Variants in DERA observed in about 807,000 individuals in gnomAD.
DERA encodes the protein deoxyribose-phosphate aldolase.
DERA carries 15 observed loss-of-function variants against 41.1 expected under a neutral mutation model. That is an observed-to-expected ratio of 0.37 (90% CI 0.24 to 0.56). The LOEUF (loss-of-function observed/expected upper bound fraction) is 0.56, where lower values mean the gene tolerates loss of function less well. DERA is among the 20% of genes least tolerant of loss of function. The probability of loss-of-function intolerance (pLI) is 0.81; values close to 1 mark genes in which losing one functional copy is unlikely to be tolerated. For synonymous variants in DERA, 139 were observed against 137.4 expected (o/e 1.01, Z -0.08); for missense variants, 396 against 403.4 (o/e 0.98, Z 0.16).
rs1948823536 is a variant in DERA at position 15,994,496 on chromosome 12, C to G, written c.637+12060C>G. 1.3e-5 allele frequency among the ~76,000 whole-genome samples: 2 copies of G among 152,202 alleles called. No individual in the cohort carries two copies. The highest frequency in any genetic ancestry group is 4.1e-4 in the South Asian group (2 of 4,834). ...TGAGACGGAGTCTCGTTCTGTCGCC[C>G]AGGCTGGAGTGCAGTGGCGCGATCT... On this transcript the variant is annotated intron_variant, in intron 6 of 8. Transcript: ENST00000428559. The surrounding 1 kb of genome is among the most constrained non-coding windows in gnomAD (Gnocchi z 4.8).
chr12:15,980,888 G>A (rs1948728232), intron 5 of DERA, among the ~76,000 whole-genome samples: 1 of 152,080 alleles, frequency 6.6e-6, no homozygotes, highest in Non-Finnish European at 1.5e-5. Flanking sequence ...GCTTTATTTG[G>A]CTGTTATAAC....
At chr12:15,933,185 G>A (rs1034789331) in intron 1 of DERA, among the ~76,000 whole-genome samples, 52 of 152,112 alleles carry the variant, frequency 3.4e-4, no homozygotes, top group African/African-American at 1.2e-3. Context: ...ATATATACCC[G>A]GTAGTGGGAT....
rs181380410 is a variant in DERA, at chr12:15,958,344, G to C, written c.277+9G>C. 2.6e-5 allele frequency: 41 copies of C among 1,594,262 alleles called. No homozygotes were observed. The Admixed American group carries it at 6.0e-4, about 23-fold the overall frequency. On this transcript the variant is annotated intron_variant, in intron 3 of 8. Coordinates refer to ENST00000428559, the MANE Select transcript of DERA (RefSeq NM_015954.4). ...AAATATGCATGATAAAGGTAATGTT[G>C]TTGTGTGTGATCTATGTGGTGTTTA...
rs927706357 is a variant in DERA at position 16,011,918 on chromosome 12, C to T, written c.638-20624C>T. ...TGCCATGAGTCTCATTTTTTTTCTT[C>T]TCAGCAATGCCACTGGCTCTCTAAA... is the stretch of plus-strand genomic sequence containing the variant. On this transcript the variant is annotated intron_variant, in intron 6 of 8. Transcript: ENST00000428559. The surrounding 1 kb of genome is among the most constrained non-coding windows in gnomAD (Gnocchi z 4.7). Among the ~76,000 whole-genome samples the T allele has an allele frequency of 1.1e-4, 17 of 151,882 alleles. No individual in the cohort carries two copies. Among genetic ancestry groups the T allele is most frequent in the African/African-American group, 3.6e-4 (15 of 41,418 alleles).
chr12:16,025,157 C>CA (rs1002099388), intron 6 of DERA, among the ~76,000 whole-genome samples: 2 of 151,576 alleles, frequency 1.3e-5, no homozygotes, highest in Non-Finnish European at 2.9e-5. Flanking sequence ...CAAAATTAAC[C>CA]AAAAAAATGC....
In DERA at chr12:15,994,485, G is replaced by A. The variant is rs959956592; in HGVS notation, c.637+12049G>A. Among the ~76,000 whole-genome samples the A allele has an allele frequency of 1.2e-4, 19 of 152,138 alleles. No individual in the cohort carries two copies. The highest frequency in any genetic ancestry group is 2.1e-4 in the South Asian group (1 of 4,834). On this transcript the variant is annotated intron_variant, in intron 6 of 8. Coordinates refer to ENST00000428559, the MANE Select transcript of DERA (RefSeq NM_015954.4). The surrounding 1 kb of genome is among the most constrained non-coding windows in gnomAD (Gnocchi z 4.8). ...ATTCTTTTTTTTGAGACGGAGTCTCGTTCTGTCGCCCAGGCTGGAGTGCAG... is the reference window on the plus strand; with the variant it reads ...ATTCTTTTTTTTGAGACGGAGTCTCATTCTGTCGCCCAGGCTGGAGTGCAG...
rs115848363 is a variant in DERA at position 15,936,860 on chromosome 12, C to G, written c.32-20076C>G. 4.4e-4 allele frequency among the ~76,000 whole-genome samples: 57 copies of G among 129,620 alleles called. No individual in the cohort carries two copies. The highest frequency in any genetic ancestry group is 3.8e-3 in the Middle Eastern group (1 of 266). The allele number at this position is 129,620 out of a possible 152,430, so 85.0% of individuals were successfully genotyped here. A position where few individuals can be genotyped will look rare whatever the true frequency, so the allele number is the denominator to read the frequency against. The stretch of plus-strand genomic sequence containing the variant: ...CATCTTCTGTCTTGTGTTGTCTTGT[C>G]TTGTCTTGTCTTGTCTTGTCTTGTC... On this transcript the variant is annotated intron_variant, in intron 1 of 8. Transcript: ENST00000428559. The surrounding 1 kb of genome is among the most constrained non-coding windows in gnomAD (Gnocchi z 4.6).
rs913371477 is a variant in DERA, at chr12:15,928,974, G to A, written c.31+17560G>A. Among the ~76,000 whole-genome samples, 4 of 152,148 alleles carry A rather than the reference G, an allele frequency of 2.6e-5. No individual in the cohort carries two copies. The highest frequency in any genetic ancestry group is 4.1e-4 in the South Asian group (2 of 4,824). ...ATCCTGTCCTGCAGACGGGAGCAGCGTTCTCTGTGAAAACTGGACAGGAGT... is the reference window on the plus strand; with the variant it reads ...ATCCTGTCCTGCAGACGGGAGCAGCATTCTCTGTGAAAACTGGACAGGAGT... On this transcript the variant is annotated intron_variant, in intron 1 of 8. Transcript: ENST00000428559. This position sits in a 1 kb window ranked among gnomAD's most constrained non-coding sequence, Gnocchi z 4.6.
chr12:15,956,251 A>T (rs1243726365), intron 1 of DERA, among the ~76,000 whole-genome samples: 1 of 152,240 alleles, frequency 6.6e-6, no homozygotes, highest in Non-Finnish European at 1.5e-5. Context: ...GAAGGTAGAA[A>T]TTACAGTTAA....
At chr12:15,946,578 CCT>C (rs1491344508) in intron 1 of DERA, among the ~76,000 whole-genome samples, 5 of 151,632 alleles carry the variant, frequency 3.3e-5, no homozygotes, top group Admixed American at 2.6e-4. Flanking sequence ...GGTGATATCC[CCT>C]TTTTTTTTTA....
At chr12:15,937,581 A>C (rs1011831442) in intron 1 of DERA, among the ~76,000 whole-genome samples, 1 of 152,198 alleles carries the variant, frequency 6.6e-6, no homozygotes, top group African/African-American at 2.4e-5. Context: ...GGTAATGCTA[A>C]TGTATTATTT....
intron 6 of DERA, among the ~76,000 whole-genome samples, chr12:15,991,874 C>T (rs1948804448): frequency 6.6e-6 from 1 of 152,096 alleles, no homozygotes; most frequent in Admixed American, 6.5e-5. Context: ...TTTACCAGTT[C>T]CTCTCTCTGT....
intron 5 of DERA, among the ~76,000 whole-genome samples, chr12:15,975,644 C>G (rs920525792): frequency 1.3e-5 from 2 of 152,224 alleles, no homozygotes; most frequent in African/African-American, 4.8e-5. Context: ...AGCCTGTGCA[C>G]AGGAAGGAAC....
At chr12:16,033,004 C>A in intron 7 of DERA, 2 of 215,312 alleles carry the variant, frequency 9.3e-6, no homozygotes, top group Non-Finnish European at 9.3e-6. Flanking sequence ...AAGGTGTTGG[C>A]CAGTGAAAAC....
Position 16,035,636 on chromosome 12 carries a change from T to G in DERA, c.751-596T>G, listed in dbSNP as rs962755962. 1.3e-5 allele frequency among the ~76,000 whole-genome samples: 2 copies of G among 152,230 alleles called. No homozygotes were observed. Among genetic ancestry groups the G allele is most frequent in the African/African-American group, 4.8e-5 (2 of 41,460 alleles). On this transcript the variant is annotated intron_variant, in intron 7 of 8. Transcript: ENST00000428559. The surrounding 1 kb of genome is among the most constrained non-coding windows in gnomAD (Gnocchi z 4.1). The stretch of plus-strand genomic sequence containing the variant: ...TTCTACTGCCCTTATGTAACTGGTC[T>G]GCCAGCTTTTTAGAACTGTGTGTGC...
In DERA at chr12:15,953,992, T is replaced by A. The variant is rs528096956; in HGVS notation, c.32-2944T>A. Among the ~76,000 whole-genome samples the A allele has an allele frequency of 2.6e-5, 4 of 152,334 alleles. No homozygotes were observed. The South Asian group carries it at 8.3e-4, about 32-fold the overall frequency. On this transcript the variant is annotated intron_variant, in intron 1 of 8. Coordinates refer to ENST00000428559, the MANE Select transcript of DERA (RefSeq NM_015954.4). Reference sequence around the variant, plus strand: ...TAATGATATTTTTAGCAGTCAAGGCTGATACTGTGAGAGAAGAAATCCTAT... The same window carrying A: ...TAATGATATTTTTAGCAGTCAAGGCAGATACTGTGAGAGAAGAAATCCTAT...
At chr12:15,978,767 C>T (rs1277491568) in intron 5 of DERA, among the ~76,000 whole-genome samples, 1 of 152,122 alleles carries the variant, frequency 6.6e-6, no homozygotes, top group Non-Finnish European at 1.5e-5. Flanking sequence ...TTGTAAGTCC[C>T]TCTGTAATCT....
chr12:15,947,406 A>G (rs1469383460), intron 1 of DERA, among the ~76,000 whole-genome samples: 1 of 152,134 alleles, frequency 6.6e-6, no homozygotes, highest in Non-Finnish European at 1.5e-5. Context: ...TTGGGTGCAT[A>G]TATATTTAGG....
chr12:15,943,805 T>G lies in DERA; in HGVS notation c.32-13131T>G, dbSNP rs1205555413. ...CAGGTTTGTTACATGTGTATACATG[T>G]GCCATGTTGGTGTGCTGTAGCCATT... On this transcript the variant is annotated intron_variant, in intron 1 of 8. Transcript: ENST00000428559. This position sits in a 1 kb window ranked among gnomAD's most constrained non-coding sequence, Gnocchi z 4.5. 6.6e-6 allele frequency among the ~76,000 whole-genome samples: 1 copy of G among 151,870 alleles called. No individual in the cohort carries two copies. The highest frequency in any genetic ancestry group is 1.5e-5 in the Non-Finnish European group (1 of 67,968).
Sources: gnomAD v4.1 joint callset for allele counts (sites outside exome capture counted in the v4.1 genomes callset) on GRCh38, gnomAD v4.1.1 for gene constraint, Gnocchi (gnomAD v3.1) non-coding constraint, MANE v1.5 for transcripts, NCBI Gene and HGNC (gene_info 2026-07-23, HGNC 2026-07-21) for gene names.